NCAPH2: variants seen among roughly 807,000 people sequenced by gnomAD.
The protein encoded by NCAPH2 is non-SMC condensin II complex subunit H2.
In NCAPH2, 56 loss-of-function variants were observed where a neutral mutation model predicts 88.6. The ratio of observed to expected loss-of-function variants is 0.63; its 90% CI spans 0.51 to 0.79. NCAPH2 has a LOEUF of 0.79. Among genes scored for constraint, NCAPH2 ranks in the 30% least tolerant of loss-of-function variants. NCAPH2 has a pLI of 0.00. For synonymous variants in NCAPH2, 378 were observed against 313.6 expected (o/e 1.21, Z -2.17); for missense variants, 794 against 792.0 (o/e 1.00, Z -0.03).
At chr22:50,519,742 A>C in intron 9 of NCAPH2, 1 of 1,020,068 alleles carries the variant, frequency 9.8e-7, no homozygotes, top group Non-Finnish European at 1.2e-6. Context: ...ATTAAAACAA[A>C]ATCAACCTGA....
intron 1 of NCAPH2, among the ~76,000 whole-genome samples, chr22:50,510,501 C>T (rs1218150740): frequency 6.6e-6 from 1 of 151,956 alleles, no homozygotes; most frequent in East Asian, 1.9e-4. Flanking sequence ...AATCTTGGCT[C>T]ACTGCAACCT....
intron 1 of NCAPH2, among the ~76,000 whole-genome samples, chr22:50,514,890 C>T (rs189428988): frequency 7.9e-5 from 12 of 152,354 alleles, no homozygotes; most frequent in South Asian, 2.1e-4. Flanking sequence ...CCCCAGCACG[C>T]GCCATGCTTT....
rs778161451 is a variant in NCAPH2, at chr22:50,518,293, G to A, written c.646+15G>A. 7 of 1,609,718 alleles carry A rather than the reference G, an allele frequency of 4.3e-6. No homozygotes were observed. In the African/African-American group the frequency reaches 9.4e-5, roughly 22 times the overall value. The stretch of plus-strand genomic sequence containing the variant: ...GACCCAGAAGGGTGAGGGCTTGGAT[G>A]CGGGGGGCTTGGTGGGAAGGAAGGG... On this transcript the variant is annotated intron_variant, in intron 7 of 19. Coordinates refer to ENST00000420993, the MANE Select transcript of NCAPH2 (RefSeq NM_152299.4).
chr22:50,524,594 T>C lies in NCAPH2; in HGVS notation c.*1219T>C, dbSNP rs774130346. The C allele has an allele frequency of 1.7e-5, 12 of 723,920 alleles. No individual in the cohort carries two copies. Among genetic ancestry groups the C allele is most frequent in the South Asian group, 1.6e-4 (11 of 66,924 alleles). The allele number at this position is 723,920 out of a possible 1,614,324, so 44.8% of individuals were successfully genotyped here. The stretch of plus-strand genomic sequence containing the variant: ...CTCAGAACTCCACCTCCACCAAACA[T>C]CCACACCTGGGCAACCACACCTGTC... On this transcript the variant is annotated 3_prime_UTR_variant, in exon 20 of 20. Coordinates refer to ENST00000420993, the MANE Select transcript of NCAPH2 (RefSeq NM_152299.4).
chr22:50,520,699 C>T (rs1349540410), intron 9 of NCAPH2: 4 of 403,710 alleles, frequency 9.9e-6, no homozygotes, highest in Non-Finnish European at 1.8e-5. Flanking sequence ...GGTGGGATTA[C>T]AGGTGTGCGC....
rs1317506208 is a variant in NCAPH2 at position 50,523,015 on chromosome 22, A to C, written c.1528-2A>C. 6.2e-7 allele frequency: 1 copy of C among 1,603,052 alleles called. No homozygotes were observed. Among genetic ancestry groups the C allele is most frequent in the Non-Finnish European group, 8.5e-7 (1 of 1,173,088 alleles). ...CAGCCAACATGCCCCTCCCCTGTGC[A>C]GGAGCAGCATGTGCCCTTTGACATC... On this transcript the variant is annotated splice_acceptor_variant, in intron 18 of 19. Coordinates refer to ENST00000420993, the MANE Select transcript of NCAPH2 (RefSeq NM_152299.4). LOFTEE classifies it high-confidence loss of function.
At position 50,523,616 on chromosome 22, in the gene NCAPH2, A is replaced by C. The variant is rs746659857; in HGVS notation, c.*241A>C. Reference sequence around the variant, plus strand: ...GGGGCCCAGACTGCAGTGGCTCAAGACAGGACACTGCGGAAAGCCGCCATG... The same window carrying C: ...GGGGCCCAGACTGCAGTGGCTCAAGCCAGGACACTGCGGAAAGCCGCCATG... On this transcript the variant is annotated 3_prime_UTR_variant, in exon 20 of 20. Transcript: ENST00000420993. 1 of 1,613,210 alleles carries C rather than the reference A, an allele frequency of 6.2e-7. No individual in the cohort carries two copies. Among genetic ancestry groups the C allele is most frequent in the Admixed American group, 1.7e-5 (1 of 60,006 alleles).
Position 50,523,848 on chromosome 22 carries a change from C to G in NCAPH2, c.*473C>G. On this transcript the variant is annotated 3_prime_UTR_variant, in exon 20 of 20. Transcript: ENST00000420993. ...GTTTGGTGGAGCCGGTCAGACCCAACAGTCTTGGGTGGAAGTCCTGGACGT... is the reference window on the plus strand; with the variant it reads ...GTTTGGTGGAGCCGGTCAGACCCAAGAGTCTTGGGTGGAAGTCCTGGACGT... 1 of 1,614,014 alleles carries G rather than the reference C, an allele frequency of 6.2e-7. No individual in the cohort carries two copies. The highest frequency in any genetic ancestry group is 8.5e-7 in the Non-Finnish European group (1 of 1,180,012).
At chr22:50,508,581 G>C (rs1054879742) in intron 1 of NCAPH2, 136 bp downstream of exon 1, 58 of 541,920 alleles carry the variant, frequency 1.1e-4, no homozygotes, top group Non-Finnish European at 1.5e-4. Flanking sequence ...GCAGGTCCTC[G>C]GGCTCCCTGC....
chr22:50,512,078 G>A (rs73172235), intron 1 of NCAPH2, among the ~76,000 whole-genome samples: 5,734 of 152,304 alleles, frequency 0.038, 148 homozygotes, highest in Non-Finnish European at 0.052. Flanking sequence ...GAGCCACTGC[G>A]ACTGGCCACA....
intron 3 of NCAPH2, 44 bp downstream of exon 3, chr22:50,517,526 G>C (rs377259008): frequency 1.2e-5 from 19 of 1,614,026 alleles, no homozygotes; most frequent in Non-Finnish European, 1.4e-5. Context: ...CATGTGGCCA[G>C]GGAGGCCCCT....
intron 1 of NCAPH2, among the ~76,000 whole-genome samples, chr22:50,509,416 C>T (rs1419933022): frequency 2.0e-5 from 3 of 152,144 alleles, no homozygotes; most frequent in Non-Finnish European, 4.4e-5. Context: ...TTTCCCATCT[C>T]GGAAAATGAC....
At position 50,508,800 on chromosome 22, in the gene NCAPH2, A is replaced by G. The variant is rs192241764; in HGVS notation, c.108+355A>G. ...ATGCTTGTGTGTTTGAGAGGTCTGG[A>G]TCACGATGTCAGAGGAATTTTTTAT... On this transcript the variant is annotated intron_variant, in intron 1 of 19. Transcript: ENST00000420993. 7.2e-5 allele frequency among the ~76,000 whole-genome samples: 11 copies of G among 152,340 alleles called. No homozygotes were observed. In the East Asian group the frequency reaches 2.1e-3, roughly 29 times the overall value.
chr22:50,521,753 C>G lies in NCAPH2; in HGVS notation c.1013C>G (p.Ser338Cys), dbSNP rs753007955. ...TGTTTGCCCCCAGGTAGGCCTTACTCTGTGCCCCCCTGTGTGGAGGAGGCT... is the reference window on the plus strand; with the variant it reads ...TGTTTGCCCCCAGGTAGGCCTTACTGTGTGCCCCCCTGTGTGGAGGAGGCT... ...SKPFKKGRPYSVPPCVEEALG... is the reference protein window; with the variant it reads ...SKPFKKGRPYCVPPCVEEALG... Residue 338 changes from serine to cysteine, a missense_variant, in exon 12 of 20, where the codon TCT becomes TGT. Ser to Cys is a moderately radical substitution (Grantham distance 112). Around this residue, in one of 2 missense-constraint regions of NCAPH2, gnomAD observed 735 missense variants for 696.3 expected, o/e 1.06. Coordinates refer to ENST00000420993, the MANE Select transcript of NCAPH2 (RefSeq NM_152299.4). 1.1e-5 allele frequency: 18 copies of G among 1,613,838 alleles called. No homozygotes were observed. The highest frequency in any genetic ancestry group is 1.4e-5 in the Non-Finnish European group (17 of 1,180,040).
Position 50,524,132 on chromosome 22 carries a change from GGGCTTCT to G in NCAPH2, c.*759_*765del, listed in dbSNP as rs751333475. The G allele has an allele frequency of 6.2e-7, 1 of 1,612,518 alleles. No homozygotes were observed. The highest frequency in any genetic ancestry group is 1.1e-5 in the South Asian group (1 of 91,086). On this transcript the variant is annotated 3_prime_UTR_variant, in exon 20 of 20. Coordinates refer to ENST00000420993, the MANE Select transcript of NCAPH2 (RefSeq NM_152299.4). Reference sequence around the variant, plus strand: ...CCCTGGCCCACAGCTGCCTGGCGCAGGGCTTCTGTTCGCTTTTGCTGCTGCAGCCTCT... The same window carrying G: ...CCCTGGCCCACAGCTGCCTGGCGCAGGTTCGCTTTTGCTGCTGCAGCCTCT...
intron 2 of NCAPH2, 23 bp downstream of exon 2, chr22:50,516,571 C>G (rs1397585597): frequency 6.2e-7 from 1 of 1,610,514 alleles, no homozygotes; most frequent in African/African-American, 1.3e-5. Context: ...TGACGCTGGT[C>G]TTGGCATTTT....
In NCAPH2 at chr22:50,524,050, C is replaced by A; in HGVS notation, c.*675C>A. 6.2e-7 allele frequency: 1 copy of A among 1,613,428 alleles called. No homozygotes were observed. Among genetic ancestry groups the A allele is most frequent in the Non-Finnish European group, 8.5e-7 (1 of 1,180,000 alleles). ...GCCAAAGTACATCAGCACCCACTGG[C>A]CCCGGAAGTCAGCCTTGCAGCGAGC... On this transcript the variant is annotated 3_prime_UTR_variant, in exon 20 of 20. Coordinates refer to ENST00000420993, the MANE Select transcript of NCAPH2 (RefSeq NM_152299.4).
intron 1 of NCAPH2, 21 bp downstream of exon 1, chr22:50,508,466 A>AGGGGGGGGGGGGGGGGGG: frequency 3.1e-6 from 1 of 320,254 alleles, no homozygotes; most frequent in South Asian, 6.0e-5. Context: ...CGGGGGAGTG[A>AGGGGGGGGGGGGGGGGGG]CGCGGGGTGG....
intron 4 of NCAPH2, 30 bp from the exon 5 acceptor site, chr22:50,517,711 T>C: frequency 6.2e-7 from 1 of 1,614,070 alleles, no homozygotes; most frequent in Non-Finnish European, 8.5e-7. Context: ...TTGCCTGGGC[T>C]CCGCCCCCAC....
Sources: allele counts gnomAD v4.1 joint callset (sites outside exome capture counted in the v4.1 genomes callset), GRCh38; gene constraint gnomAD v4.1.1; regional missense constraint gnomAD v4.1.1; transcripts MANE v1.5; gene names NCBI Gene and HGNC (gene_info 2026-07-23, HGNC 2026-07-21).